Variants in ELMO1 observed in about 807,000 individuals in gnomAD.
The protein encoded by ELMO1 is engulfment and cell motility 1.
ELMO1 carries 26 observed loss-of-function variants against 98.9 expected under a neutral mutation model. The ratio of observed to expected loss-of-function variants is 0.26; its 90% CI spans 0.19 to 0.36. The LOEUF is 0.36. Ranked by LOEUF, ELMO1 falls within the 10% of genes least tolerant of loss-of-function variation. The pLI is 1.00. For missense variants in ELMO1, 627 were observed against 935.2 expected (o/e 0.67, Z 4.30); for synonymous variants, 346 against 346.0 (o/e 1.00, Z 0.00).
chr7:36,900,565 G>C (rs1477383547), intron 16 of ELMO1, among the ~76,000 whole-genome samples: 1 of 152,184 alleles, frequency 6.6e-6, no homozygotes, highest in Non-Finnish European at 1.5e-5. Flanking sequence ...TAGGGCTCCA[G>C]AGGTCATTTT....
At chr7:37,112,849 C>G (rs752257280) in intron 14 of ELMO1, among the ~76,000 whole-genome samples, 2 of 152,138 alleles carry the variant, frequency 1.3e-5, no homozygotes, top group Admixed American at 1.3e-4. Flanking sequence ...AAGGGGGAAG[C>G]TATTTTTAAC....
chr7:36,870,330 C>G lies in ELMO1; in HGVS notation c.1905+63G>C. 1 of 1,468,476 alleles carries G rather than the reference C, an allele frequency of 6.8e-7. No homozygotes were observed. The highest frequency in any genetic ancestry group is 9.5e-7 in the Non-Finnish European group (1 of 1,050,666). The allele number at this position is 1,468,476 out of a possible 1,614,324, so 91.0% of individuals were successfully genotyped here. ...AACACTGCTATAAAGGAGGGCTAGG[C>G]TGGCTGCAGTTGCCGACCGCACTGG... On this transcript the variant is annotated intron_variant, in intron 20 of 21. Transcript: ENST00000310758. The surrounding 1 kb of genome is among the most constrained non-coding windows in gnomAD (Gnocchi z 4.4).
chr7:36,936,854 A>G (rs961833298), intron 16 of ELMO1, among the ~76,000 whole-genome samples: 1 of 152,274 alleles, frequency 6.6e-6, no homozygotes, highest in African/African-American at 2.4e-5. Context: ...GGGAAGATAC[A>G]TTAAAAAAAG....
intron 16 of ELMO1, among the ~76,000 whole-genome samples, chr7:36,980,274 T>C (rs926074474): frequency 2.0e-5 from 3 of 152,166 alleles, no homozygotes; most frequent in Non-Finnish European, 2.9e-5. Flanking sequence ...GGATGAAAAA[T>C]CAGTTTCAGC....
At chr7:37,383,967 C>T (rs1583661770) in intron 1 of ELMO1, among the ~76,000 whole-genome samples, 1 of 152,260 alleles carries the variant, frequency 6.6e-6, no homozygotes, top group East Asian at 1.9e-4. Flanking sequence ...AAGCGCCCGC[C>T]ACCGCGCCCG....
At chr7:37,191,883 C>G (rs1053203532) in intron 13 of ELMO1, among the ~76,000 whole-genome samples, 11 of 151,804 alleles carry the variant, frequency 7.2e-5, no homozygotes, top group African/African-American at 2.7e-4. Context: ...GCACCAGTGA[C>G]TACCGCCTGG....
intron 1 of ELMO1, among the ~76,000 whole-genome samples, chr7:37,427,003 C>A (rs1804737436): frequency 6.6e-6 from 1 of 151,662 alleles, no homozygotes; most frequent in South Asian, 2.1e-4. Context: ...TAAAAAGATT[C>A]TACGTCTTTT....
chr7:36,906,505 G>T lies in ELMO1; in HGVS notation c.1438-11488C>A, dbSNP rs772557141. Among the ~76,000 whole-genome samples the T allele has an allele frequency of 2.1e-3, 314 of 152,290 alleles. 2 individuals are homozygous for T. Among genetic ancestry groups the T allele is most frequent in the Non-Finnish European group, 3.6e-3 (244 of 68,026 alleles). On this transcript the variant is annotated intron_variant, in intron 16 of 21. Coordinates refer to ENST00000310758, the MANE Select transcript of ELMO1 (RefSeq NM_014800.11). ...GCCTGGTATTATGTTAGAAGCATTA[G>T]AAGTATACTCAGGCCTATATTCGCT... is the stretch of plus-strand genomic sequence containing the variant.
rs184067656 is a variant in ELMO1 at position 37,272,277 on chromosome 7, T to C, written c.193-395A>G. 3.1e-3 allele frequency among the ~76,000 whole-genome samples: 472 copies of C among 152,276 alleles called. 1 individual carries two copies. The highest frequency in any genetic ancestry group is 4.9e-3 in the Non-Finnish European group (336 of 68,022). Reference sequence around the variant, plus strand: ...ATGTTCACAGAAACATTATCTATAATAGCCAAAACGTAGAAACAATACATA... The same window carrying C: ...ATGTTCACAGAAACATTATCTATAACAGCCAAAACGTAGAAACAATACATA... On this transcript the variant is annotated intron_variant, in intron 4 of 21. Coordinates refer to ENST00000310758, the MANE Select transcript of ELMO1 (RefSeq NM_014800.11).
At chr7:37,127,763 G>A (rs1310270011) in intron 14 of ELMO1, among the ~76,000 whole-genome samples, 1 of 152,146 alleles carries the variant, frequency 6.6e-6, no homozygotes, top group East Asian at 1.9e-4. Context: ...GAGAGCCCTA[G>A]GTTTCCTTGC....
intron 15 of ELMO1, among the ~76,000 whole-genome samples, chr7:37,079,785 G>C (rs372075274): frequency 2.0e-5 from 3 of 152,146 alleles, no homozygotes; most frequent in African/African-American, 7.2e-5. Context: ...TCCTTCCCCA[G>C]CCTCCTCTTC....
intron 13 of ELMO1, among the ~76,000 whole-genome samples, chr7:37,139,040 A>G (rs1484221262): frequency 6.6e-6 from 1 of 152,202 alleles, no homozygotes; most frequent in African/African-American, 2.4e-5. Context: ...TATGATTAAA[A>G]CCCTCAGCAA....
At chr7:37,073,612 T>C (rs1307426541) in intron 15 of ELMO1, among the ~76,000 whole-genome samples, 1 of 151,608 alleles carries the variant, frequency 6.6e-6, no homozygotes, top group Non-Finnish European at 1.5e-5. Context: ...TTTTTTTTCC[T>C]TAGAGACAGG....
chr7:37,316,969 A>G (rs777964638), intron 2 of ELMO1, among the ~76,000 whole-genome samples: 1 of 152,096 alleles, frequency 6.6e-6, no homozygotes, highest in Non-Finnish European at 1.5e-5. Context: ...AGTAACCGCA[A>G]TTTTCTTCAT....
intron 15 of ELMO1, among the ~76,000 whole-genome samples, chr7:37,068,479 T>C (rs1797100439): frequency 6.6e-6 from 1 of 152,212 alleles, no homozygotes; most frequent in Non-Finnish European, 1.5e-5. Context: ...CCATCTCTTC[T>C]TATTGCACTT....
At chr7:37,173,580 A>G (rs12666532) in intron 13 of ELMO1, among the ~76,000 whole-genome samples, 139,417 of 152,286 alleles carry the variant, frequency 0.92, 64,216 homozygotes, top group Non-Finnish European at 0.97. Flanking sequence ...AAGTGAGCCT[A>G]AAGGGGTTTC....
chr7:36,957,067 G>A (rs1788515717), intron 16 of ELMO1, among the ~76,000 whole-genome samples: 1 of 152,246 alleles, frequency 6.6e-6, no homozygotes, highest in African/African-American at 2.4e-5. Context: ...TGTTTCTGTG[G>A]AGAGGATGGC....
intron 14 of ELMO1, among the ~76,000 whole-genome samples, chr7:37,131,540 A>G (rs1786918454): frequency 6.6e-6 from 1 of 152,222 alleles, no homozygotes; most frequent in African/African-American, 2.4e-5. Context: ...AACATTAATC[A>G]GTTAGTGGTA....
intron 13 of ELMO1, 166 bp downstream of exon 13, chr7:37,211,220 G>T: frequency 1.1e-6 from 1 of 914,754 alleles, no homozygotes; most frequent in Non-Finnish European, 1.6e-6. Flanking sequence ...GAAGCCAGAA[G>T]AGATTTTCAT....
Sources: allele counts gnomAD v4.1 joint callset (sites outside exome capture counted in the v4.1 genomes callset), GRCh38; gene constraint gnomAD v4.1.1; non-coding constraint Gnocchi (gnomAD v3.1); transcripts MANE v1.5; gene names NCBI Gene and HGNC (gene_info 2026-07-23, HGNC 2026-07-21).